DEFB107B: variants seen among roughly 807,000 people sequenced by gnomAD.
The protein encoded by DEFB107B is beta-defensin 107.
rs1276481578 is a variant in DEFB107B, at chr8:7,507,793, A to G, written c.71-1288A>G. ...ATTCCACTCCTTTTTCATTTTTCCA[A>G]ATTTGTTCATGTGGACATATAGAAA... On this transcript the variant is annotated intron_variant, in intron 1 of 1. Coordinates refer to ENST00000355602, the MANE Select transcript of DEFB107B (RefSeq NM_001040705.2). 2.1e-5 allele frequency among the ~76,000 whole-genome samples: 3 copies of G among 141,302 alleles called. 1 individual carries two copies. Among genetic ancestry groups the G allele is most frequent in the African/African-American group, 8.7e-5 (3 of 34,330 alleles). 92.7% of individuals were successfully genotyped at this position (141,302 alleles called of 152,430 possible).
At chr8:7,496,251 T>C (rs1811724720) in intron 1 of DEFB107B, among the ~76,000 whole-genome samples, 1 of 12,238 alleles carries the variant, frequency 8.2e-5, no homozygotes, top group Non-Finnish European at 2.8e-4. Flanking sequence ...TTTAGATCTC[T>C]TTCCTCCTTT....
At chr8:7,502,875 A>G (rs1811886493) in intron 1 of DEFB107B, among the ~76,000 whole-genome samples, 1 of 23,178 alleles carries the variant, frequency 4.3e-5, no homozygotes, top group African/African-American at 7.7e-5. Flanking sequence ...CACATAAAAT[A>G]TCATCAATAT....
intron 1 of DEFB107B, among the ~76,000 whole-genome samples, chr8:7,507,819 T>C (rs1811975501): frequency 7.0e-6 from 1 of 143,490 alleles, no homozygotes; most frequent in Non-Finnish European, 1.5e-5. Context: ...CATATAGAAA[T>C]AGGAAGCTAG....
In DEFB107B at chr8:7,502,415, T is replaced by C. The variant is rs1321021897; in HGVS notation, c.70+6412T>C. ...TCCACAAGATCAGTATTTTGAATAA[T>C]GATACCTGTTGGAGAATGTGCAGTG... is the stretch of plus-strand genomic sequence containing the variant. On this transcript the variant is annotated intron_variant, in intron 1 of 1. Transcript: ENST00000355602. Among the ~76,000 whole-genome samples the C allele has an allele frequency of 9.0e-5, 2 of 22,322 alleles. 1 individual carries two copies. Among genetic ancestry groups the C allele is most frequent in the Non-Finnish European group, 3.7e-4 (2 of 5,430 alleles). The allele number at this position is 22,322 out of a possible 152,430, so 14.6% of individuals were successfully genotyped here.
At chr8:7,507,384 T>A (rs1174507852) in intron 1 of DEFB107B, among the ~76,000 whole-genome samples, 1 of 40,028 alleles carries the variant, frequency 2.5e-5, no homozygotes, top group East Asian at 8.3e-4. Flanking sequence ...TGAGTTTGGA[T>A]CTCAGTGCTA....
At chr8:7,496,228 A>C (rs1467047209) in intron 1 of DEFB107B, among the ~76,000 whole-genome samples, 1 of 43,210 alleles carries the variant, frequency 2.3e-5, no homozygotes, top group African/African-American at 7.5e-5. Context: ...AGGAATTCAG[A>C]CATCTTTGTA....
chr8:7,497,527 A>G (rs1305218837), intron 1 of DEFB107B, among the ~76,000 whole-genome samples: 2 of 152,102 alleles, frequency 1.3e-5, no homozygotes, highest in Non-Finnish European at 2.9e-5. Context: ...GAACAGAGCC[A>G]GGGAACAATG....
intron 1 of DEFB107B, among the ~76,000 whole-genome samples, chr8:7,508,069 A>G (rs1394917365): frequency 6.8e-5 from 2 of 29,390 alleles, no homozygotes; most frequent in African/African-American, 7.0e-4. Flanking sequence ...CTATACATGT[A>G]TATATATATA....
intron 1 of DEFB107B, among the ~76,000 whole-genome samples, chr8:7,508,110 T>C (rs1481852839): frequency 7.8e-6 from 1 of 128,816 alleles, no homozygotes; most frequent in Non-Finnish European, 1.6e-5. Context: ...TGTGTGTGCG[T>C]GTGTGTCTCA....
chr8:7,508,079 ATATATGTGTG>A (rs1811986378), intron 1 of DEFB107B, among the ~76,000 whole-genome samples: 1 of 28,048 alleles, frequency 3.6e-5, no homozygotes, highest in Non-Finnish European at 7.9e-5. Context: ...ATATATATAT[ATATATGTGTG>A]TGTGTGTGTA....
chr8:7,500,524 C>T (rs9774231), intron 1 of DEFB107B, among the ~76,000 whole-genome samples: 251 of 21,188 alleles, frequency 0.012, no homozygotes, highest in East Asian at 0.027. Context: ...TTAACATATA[C>T]TTCTATAGGA....
At chr8:7,497,375 T>A (rs1408017683) in intron 1 of DEFB107B, among the ~76,000 whole-genome samples, 7 of 152,338 alleles carry the variant, frequency 4.6e-5, no homozygotes, top group Non-Finnish European at 8.8e-5. Flanking sequence ...ATGAAACAGT[T>A]TTCACAAGTG....
chr8:7,496,274 G>A (rs1375860443), intron 1 of DEFB107B, among the ~76,000 whole-genome samples: 1 of 123,856 alleles, frequency 8.1e-6, no homozygotes, highest in East Asian at 2.4e-4. Flanking sequence ...AATCTGCAAC[G>A]CAGGTTCAGC....
intron 1 of DEFB107B, among the ~76,000 whole-genome samples, chr8:7,497,252 C>T (rs1419267562): frequency 6.6e-6 from 1 of 151,980 alleles, no homozygotes; most frequent in African/African-American, 2.4e-5. Flanking sequence ...TAGTCTATTC[C>T]TTCTATGTTG....
intron 1 of DEFB107B, among the ~76,000 whole-genome samples, chr8:7,496,566 C>T (rs1811751874): frequency 1.3e-5 from 2 of 150,372 alleles, no homozygotes; most frequent in Non-Finnish European, 3.0e-5. Flanking sequence ...TCCCAGAGCC[C>T]TGGGATTACA....
intron 1 of DEFB107B, among the ~76,000 whole-genome samples, chr8:7,496,363 G>A (rs1222092546): frequency 4.0e-5 from 3 of 74,390 alleles, no homozygotes; most frequent in East Asian, 8.9e-4. Flanking sequence ...GCAGTGGTGC[G>A]ATCTTGGCTC....
intron 1 of DEFB107B, among the ~76,000 whole-genome samples, chr8:7,499,913 T>TA (rs1427811039): frequency 7.9e-6 from 1 of 126,000 alleles, no homozygotes; most frequent in Non-Finnish European, 1.6e-5. Flanking sequence ...AAACAGGACT[T>TA]ACTATTTTTG....
At position 7,506,948 on chromosome 8, in the gene DEFB107B, G is replaced by A. The variant is rs1331065078; in HGVS notation, c.71-2133G>A. Among the ~76,000 whole-genome samples, 2 of 15,348 alleles carry A rather than the reference G, an allele frequency of 1.3e-4. 1 individual carries two copies. Among genetic ancestry groups the A allele is most frequent in the Non-Finnish European group, 3.9e-4 (2 of 5,124 alleles). 10.1% of individuals were successfully genotyped at this position (15,348 alleles called of 152,430 possible). A position where few individuals can be genotyped will look rare whatever the true frequency, so the allele number is the denominator to read the frequency against. ...CTTTACGGGTATCGGGCTGGGGGACGGTCATGTCTTTCCCTTCCCACGAGG... is the reference window on the plus strand; with the variant it reads ...CTTTACGGGTATCGGGCTGGGGGACAGTCATGTCTTTCCCTTCCCACGAGG... On this transcript the variant is annotated intron_variant, in intron 1 of 1. Transcript: ENST00000355602.
intron 1 of DEFB107B, among the ~76,000 whole-genome samples, chr8:7,508,171 T>C (rs1225583867): frequency 7.2e-6 from 1 of 139,768 alleles, no homozygotes; most frequent in Non-Finnish European, 1.5e-5. Flanking sequence ...GTTCACAGTA[T>C]CCCAAGTTCA....
Sources: gnomAD v4.1 joint callset for allele counts (sites outside exome capture counted in the v4.1 genomes callset) on GRCh38, gnomAD v4.1.1 for gene constraint, MANE v1.5 for transcripts, NCBI Gene and HGNC (gene_info 2026-07-23, HGNC 2026-07-21) for gene names.